The following ANK2 variants were observed in gnomAD, a reference collection of about 807,000 sequenced individuals.
The protein encoded by ANK2 is ankyrin-2.
ANK2 carries 83 observed loss-of-function variants against 360.5 expected under a neutral mutation model. The observed-to-expected ratio is 0.23, with a 90% confidence interval of 0.19 to 0.28. The LOEUF (loss-of-function observed/expected upper bound fraction) is 0.28. Ranked by LOEUF, ANK2 falls within the 10% of genes least tolerant of loss-of-function variation. ANK2 has a pLI of 1.00. For missense variants in ANK2, 4,201 were observed against 4,795.7 expected, an observed-to-expected ratio of 0.88 and a Z score of 3.66; for synonymous variants, 1,740 against 1,759.5, an observed-to-expected ratio of 0.99 and a Z score of 0.28.
At chr4:113,213,890 A>G (rs903965483) in intron 4 of ANK2, among the ~76,000 whole-genome samples, 24 of 152,188 alleles carry the variant, frequency 1.6e-4, no homozygotes, top group Admixed American at 1.2e-3. Flanking sequence ...TAGCCAGTGC[A>G]ATGAAAAGAG....
chr4:112,746,217 A>G, the ANK2 span, among the ~76,000 whole-genome samples: 1 of 152,206 alleles, frequency 6.6e-6, no homozygotes, highest in East Asian at 1.9e-4. Flanking sequence ...AACAATTGAA[A>G]AATTATATTA....
At chr4:112,741,018 A>G in the ANK2 span, among the ~76,000 whole-genome samples, 1 of 151,084 alleles carries the variant, frequency 6.6e-6, no homozygotes, top group Non-Finnish European at 1.5e-5. Context: ...TTTTAGGAAC[A>G]GAGATCTCAC....
At chr4:112,801,083 C>T in the ANK2 span, among the ~76,000 whole-genome samples, 1 of 152,278 alleles carries the variant, frequency 6.6e-6, no homozygotes, top group Middle Eastern at 3.4e-3. Context: ...TCTATAGTGA[C>T]ATTACTGCTT....
At chr4:112,932,282 A>G (rs1460616220) in intron 2 of ANK2, among the ~76,000 whole-genome samples, 1 of 152,116 alleles carries the variant, frequency 6.6e-6, no homozygotes, top group Admixed American at 6.5e-5. Context: ...ACCTGAGGTC[A>G]GGAGTTCGAG....
intron 1 of ANK2, among the ~76,000 whole-genome samples, chr4:112,828,232 C>CATTTTT (rs2058845773): frequency 9.1e-6 from 1 of 109,572 alleles, no homozygotes; most frequent in African/African-American, 3.6e-5. Flanking sequence ...GAATTACGGA[C>CATTTTT]TTTTTTTTTT....
chr4:113,270,410 C>G (rs1285165243), intron 14 of ANK2, among the ~76,000 whole-genome samples: 1 of 152,124 alleles, frequency 6.6e-6, no homozygotes, highest in East Asian at 1.9e-4. Flanking sequence ...AGAGTCTTTC[C>G]TTTAAAATAT....
chr4:113,150,600 G>A (rs528175430), intron 1 of ANK2, among the ~76,000 whole-genome samples: 2 of 152,280 alleles, frequency 1.3e-5, no homozygotes, highest in African/African-American at 4.8e-5. Flanking sequence ...GATGGCCAAA[G>A]CAGGACTTTG....
At chr4:112,783,628 ATTATTTATTTAT>A in the ANK2 span, among the ~76,000 whole-genome samples, 118 of 141,210 alleles carry the variant, frequency 8.4e-4, no homozygotes, top group African/African-American at 2.0e-3. Context: ...ATGTTGATAT[ATTATTTATTTAT>A]TTATTTATTT....
intron 1 of ANK2, among the ~76,000 whole-genome samples, chr4:112,892,206 G>A (rs1418736907): frequency 1.1e-4 from 16 of 151,900 alleles, no homozygotes; most frequent in Admixed American, 1.0e-3. Context: ...GATGGAAATG[G>A]AAGAGGCCAT....
chr4:112,844,810 A>G (rs1031561400), intron 1 of ANK2, among the ~76,000 whole-genome samples: 2 of 152,208 alleles, frequency 1.3e-5, no homozygotes, highest in African/African-American at 4.8e-5. Flanking sequence ...TGGTTATTTG[A>G]TTTTTAGTAT....
chr4:113,070,602 T>G (rs566652203), intron 1 of ANK2, among the ~76,000 whole-genome samples: 2 of 152,298 alleles, frequency 1.3e-5, no homozygotes, highest in African/African-American at 4.8e-5. Context: ...CCTATCAGTT[T>G]GCCCTACAAG....
chr4:112,961,230 G>A (rs1313429787), intron 2 of ANK2, among the ~76,000 whole-genome samples: 1 of 152,008 alleles, frequency 6.6e-6, no homozygotes, highest in Non-Finnish European at 1.5e-5. Flanking sequence ...TCTGTGGGAA[G>A]AAAGCATCTC....
At chr4:112,714,068 GTTGT>G in the ANK2 span, among the ~76,000 whole-genome samples, 1 of 152,106 alleles carries the variant, frequency 6.6e-6, no homozygotes, top group Non-Finnish European at 1.5e-5. Flanking sequence ...TTGGCATTTT[GTTGT>G]TTTAGTCATT....
At chr4:113,028,543 A>G (rs764246637) in intron 2 of ANK2, among the ~76,000 whole-genome samples, 5 of 152,156 alleles carry the variant, frequency 3.3e-5, no homozygotes, top group African/African-American at 4.8e-5. Context: ...AAGCACTACA[A>G]TAGAGACATG....
intron 42 of ANK2, among the ~76,000 whole-genome samples, chr4:113,369,206 T>G (rs1367687195): frequency 6.6e-6 from 1 of 152,184 alleles, no homozygotes; most frequent in Non-Finnish European, 1.5e-5. Context: ...CCTTGAGTTA[T>G]AAAAGAAAAG....
chr4:113,143,382 C>G (rs1172709342), intron 1 of ANK2, among the ~76,000 whole-genome samples: 1 of 89,746 alleles, frequency 1.1e-5, no homozygotes, highest in Non-Finnish European at 2.3e-5. Context: ...AATTATTCAT[C>G]TAGCACCTAG....
intron 1 of ANK2, among the ~76,000 whole-genome samples, chr4:112,843,922 A>G (rs2062726208): frequency 7.9e-5 from 12 of 152,152 alleles, no homozygotes; most frequent in Admixed American, 7.9e-4. Context: ...CTTTAAAGCA[A>G]TTGACTCTCA....
chr4:112,969,505 C>T (rs1432816122), intron 2 of ANK2, among the ~76,000 whole-genome samples: 2 of 152,110 alleles, frequency 1.3e-5, no homozygotes, highest in Non-Finnish European at 2.9e-5. Flanking sequence ...AGTTCAGACT[C>T]TCCAGGGAAG....
intron 2 of ANK2, among the ~76,000 whole-genome samples, chr4:112,976,198 A>T (rs2041349480): frequency 1.4e-5 from 2 of 144,446 alleles, no homozygotes; most frequent in South Asian, 2.2e-4. Flanking sequence ...TGGCTGTGGA[A>T]TTTTTTTTTT....
Sources: gnomAD v4.1 joint callset for allele counts (sites outside exome capture counted in the v4.1 genomes callset) on GRCh38, gnomAD v4.1.1 for gene constraint, MANE v1.5 for transcripts, NCBI Gene and HGNC (gene_info 2026-07-23, HGNC 2026-07-21) for gene names.